RBFOX1: variants seen among roughly 807,000 people sequenced by gnomAD.
RBFOX1 encodes RNA binding protein fox-1 homolog 1.
Under a neutral mutation model 57.7 loss-of-function variants are expected in RBFOX1, and 8 were observed. The observed-to-expected ratio is 0.14, with a 90% CI of 0.08 to 0.25. The LOEUF is 0.25. Ranked by LOEUF, RBFOX1 falls within the 10% of genes least tolerant of loss-of-function variation. The pLI, the probability that RBFOX1 is intolerant of heterozygous loss-of-function variation, is 1.00. For missense variants in RBFOX1, 611 were observed against 548.5 expected, an observed-to-expected ratio of 1.11 and a Z score of -1.14; for synonymous variants, 326 against 222.4, an observed-to-expected ratio of 1.47 and a Z score of -4.15.
chr16:6,537,943 A>T (rs1401447006), intron 2 of RBFOX1, among the ~76,000 whole-genome samples: 2 of 151,946 alleles, frequency 1.3e-5, no homozygotes, highest in Non-Finnish European at 2.9e-5. Flanking sequence ...TTTTTTTAAT[A>T]AAAAGGATAT....
intron 4 of RBFOX1, among the ~76,000 whole-genome samples, chr16:7,275,659 A>G (rs753078118): frequency 1.3e-5 from 2 of 151,906 alleles, no homozygotes; most frequent in Admixed American, 6.6e-5. Context: ...GTTTCGGGGA[A>G]CATAATTGGA....
chr16:7,085,144 T>G (rs1260817197), intron 4 of RBFOX1, among the ~76,000 whole-genome samples: 4 of 152,076 alleles, frequency 2.6e-5, no homozygotes, highest in Non-Finnish European at 5.9e-5. Flanking sequence ...TCAGATCAAA[T>G]AAAGAGGCTA....
chr16:6,870,835 G>C (rs143430100), intron 3 of RBFOX1, among the ~76,000 whole-genome samples: 3 of 151,972 alleles, frequency 2.0e-5, no homozygotes, highest in Non-Finnish European at 1.5e-5. Context: ...ACTTCTTGTC[G>C]CTCTGAGATT....
At chr16:5,315,323 A>AT (rs2151232714) in intron 1 of RBFOX1, among the ~76,000 whole-genome samples, 1 of 152,278 alleles carries the variant, frequency 6.6e-6, no homozygotes, top group South Asian at 2.1e-4. Context: ...TAATTCCACT[A>AT]TTATTGCCCC....
intron 2 of RBFOX1, among the ~76,000 whole-genome samples, chr16:6,434,536 C>T (rs796273875): frequency 5.3e-5 from 8 of 152,290 alleles, no homozygotes; most frequent in Admixed American, 1.3e-4. Context: ...ATGTAATGCA[C>T]GTCGCATAGT....
chr16:7,129,704 T>G (rs992839332), intron 4 of RBFOX1, among the ~76,000 whole-genome samples: 1 of 152,008 alleles, frequency 6.6e-6, no homozygotes, highest in Non-Finnish European at 1.5e-5. Flanking sequence ...TTCAAGTGCC[T>G]GGGAGCCCCC....
intron 4 of RBFOX1, among the ~76,000 whole-genome samples, chr16:7,386,117 C>T (rs900356839): frequency 6.6e-6 from 1 of 151,892 alleles, no homozygotes; most frequent in African/African-American, 2.4e-5. Flanking sequence ...ACACGCTAAA[C>T]AAGGCATGGT....
At chr16:5,614,608 G>C (rs187122684) in intron 3 of RBFOX1, among the ~76,000 whole-genome samples, 45 of 152,194 alleles carry the variant, frequency 3.0e-4, no homozygotes, top group Admixed American at 7.2e-4. Context: ...TATTATAGAC[G>C]ATACATCTCC....
chr16:6,064,988 G>C (rs957263721), intron 1 of RBFOX1, among the ~76,000 whole-genome samples: 1 of 151,128 alleles, frequency 6.6e-6, no homozygotes, highest in African/African-American at 2.4e-5. Flanking sequence ...ACCTCCCTAC[G>C]TGACTGTTTT....
At chr16:6,456,171 T>C (rs1304340434) in intron 2 of RBFOX1, among the ~76,000 whole-genome samples, 2 of 152,210 alleles carry the variant, frequency 1.3e-5, no homozygotes, top group African/African-American at 2.4e-5. Flanking sequence ...GAGAAAGATA[T>C]AAATACTATT....
At chr16:5,984,967 TATATA>T (rs1194171387) in intron 4 of RBFOX1, among the ~76,000 whole-genome samples, 4,349 of 54,676 alleles carry the variant, frequency 0.08, 153 homozygotes, top group Middle Eastern at 0.11. Context: ...TATATATATA[TATATA>T]TATATTTTTT....
intron 4 of RBFOX1, among the ~76,000 whole-genome samples, chr16:7,387,987 G>T (rs954774492): frequency 2.0e-5 from 3 of 151,818 alleles, no homozygotes; most frequent in Admixed American, 1.3e-4. Context: ...CAGCTATTGT[G>T]GGGGGAAAAA....
intron 3 of RBFOX1, among the ~76,000 whole-genome samples, chr16:7,024,175 TAATA>T (rs1327540582): frequency 6.6e-6 from 1 of 152,200 alleles, no homozygotes; most frequent in Non-Finnish European, 1.5e-5. Flanking sequence ...AGTAATCATT[TAATA>T]AATATTAATG....
chr16:5,900,181 A>G (rs1021744946), intron 4 of RBFOX1, among the ~76,000 whole-genome samples: 3 of 152,262 alleles, frequency 2.0e-5, no homozygotes, highest in Middle Eastern at 3.4e-3. Context: ...AAGCTTTCTC[A>G]TTACACTCCA....
At chr16:5,939,444 C>G (rs753593514) in intron 4 of RBFOX1, among the ~76,000 whole-genome samples, 6 of 152,192 alleles carry the variant, frequency 3.9e-5, no homozygotes, top group Non-Finnish European at 8.8e-5. Flanking sequence ...CCCAAGATGG[C>G]TCACACATGT....
chr16:6,380,922 C>T (rs1035525191), intron 2 of RBFOX1, among the ~76,000 whole-genome samples: 33 of 152,246 alleles, frequency 2.2e-4, no homozygotes, highest in African/African-American at 5.8e-4. Flanking sequence ...AACCAAAGGT[C>T]CTCATATTTT....
At chr16:6,295,123 T>G (rs957410560) in intron 1 of RBFOX1, among the ~76,000 whole-genome samples, 4 of 73,126 alleles carry the variant, frequency 5.5e-5, no homozygotes, top group Admixed American at 1.5e-4. Flanking sequence ...TTTTTTTTTT[T>G]TTTGAGACGG....
At chr16:7,151,629 C>G (rs115641811) in intron 4 of RBFOX1, among the ~76,000 whole-genome samples, 1 of 152,042 alleles carries the variant, frequency 6.6e-6, no homozygotes, top group South Asian at 2.1e-4. Context: ...GATTTAAGTC[C>G]TTTACATTTA....
At chr16:6,926,520 A>T (rs538559476) in intron 3 of RBFOX1, among the ~76,000 whole-genome samples, 39 of 152,282 alleles carry the variant, frequency 2.6e-4, no homozygotes, top group African/African-American at 8.7e-4. Context: ...TATAGGCTGC[A>T]GGCCAGGGAG....
Sources: allele counts gnomAD v4.1 joint callset (sites outside exome capture counted in the v4.1 genomes callset), GRCh38; gene constraint gnomAD v4.1.1; transcripts MANE v1.5; gene names NCBI Gene and HGNC (gene_info 2026-07-23, HGNC 2026-07-21).